SESTD1: variants seen among roughly 807,000 people sequenced by gnomAD.
SESTD1 encodes the protein SEC14 and spectrin domain containing 1.
Under a neutral mutation model 101.7 loss-of-function variants are expected in SESTD1, and 43 were observed. That is an observed-to-expected ratio of 0.42 (90% CI 0.33 to 0.55). SESTD1 has a LOEUF of 0.55. Among genes scored for constraint, SESTD1 ranks in the 20% least tolerant of loss-of-function variants. The pLI, the probability that SESTD1 is intolerant of heterozygous loss-of-function variation, is 0.07. For synonymous variants in SESTD1, 283 were observed against 286.8 expected (o/e 0.99, Z 0.13); for missense variants, 647 against 815.1 (o/e 0.79, Z 2.51).
Position 179,109,611 on chromosome 2 carries a change from AGTT to A in SESTD1, c.*285_*287del, listed in dbSNP as rs1206612170. On this transcript the variant is annotated 3_prime_UTR_variant, in exon 18 of 18. Transcript: ENST00000428443. ...TTAGCACCATTCAAAGCTTATTATC[AGTT>A]GTTTGTCTACAAACTGACAGGTCAG... 2.3e-6 allele frequency: 1 copy of A among 443,064 alleles called. No homozygotes were observed. The highest frequency in any genetic ancestry group is 4.0e-6 in the Non-Finnish European group (1 of 251,760). The allele number at this position is 443,064 out of a possible 1,614,324, so 27.4% of individuals were successfully genotyped here. A position where few individuals can be genotyped will look rare whatever the true frequency, so the allele number is the denominator to read the frequency against.
At chr2:179,146,495 T>C (rs2045398696) in intron 7 of SESTD1, 38 bp from the exon 8 acceptor site, 1 of 1,539,552 alleles carries the variant, frequency 6.5e-7, no homozygotes, top group Non-Finnish European at 8.9e-7. Flanking sequence ...AAAAGGCATA[T>C]TTCTATCAAT....
intron 5 of SESTD1, among the ~76,000 whole-genome samples, chr2:179,164,879 A>T (rs548888184): frequency 6.6e-6 from 1 of 152,346 alleles, no homozygotes; most frequent in South Asian, 2.1e-4. Context: ...ATTTAATTTT[A>T]AGGTAAAACA....
At position 179,149,294 on chromosome 2, in the gene SESTD1, T is replaced by A. The variant is rs767456569; in HGVS notation, c.581+3A>T. On this transcript the variant is annotated splice_donor_region_variant and intron_variant, in intron 7 of 17. Coordinates refer to ENST00000428443, the MANE Select transcript of SESTD1 (RefSeq NM_178123.5). The stretch of plus-strand genomic sequence containing the variant: ...ATATAATTGCATGCCACTAGCCACC[T>A]ACCTTTCTTTCTCTTGCTGATTTCC... The A allele has an allele frequency of 6.2e-7, 1 of 1,605,830 alleles. No individual in the cohort carries two copies. The highest frequency in any genetic ancestry group is 1.7e-5 in the Admixed American group (1 of 58,786).
chr2:179,243,179 A>G (rs573803235), intron 1 of SESTD1, among the ~76,000 whole-genome samples: 17 of 152,226 alleles, frequency 1.1e-4, no homozygotes, highest in Non-Finnish European at 2.4e-4. Flanking sequence ...CTTGAAAAAA[A>G]TGCTCAATAT....
chr2:179,125,355 G>C (rs2044848018), intron 10 of SESTD1, among the ~76,000 whole-genome samples: 1 of 152,084 alleles, frequency 6.6e-6, no homozygotes, highest in Non-Finnish European at 1.5e-5. Context: ...CTTGATCAAA[G>C]GCTATAACCA....
chr2:179,216,469 T>A lies in SESTD1; in HGVS notation c.-25-24603A>T, dbSNP rs1414299772. ...AGGAGAACTACCAACCACTGCTCAA[T>A]GAAATAAAAGAGGACACAAACAAAT... On this transcript the variant is annotated intron_variant, in intron 1 of 17. Transcript: ENST00000428443. Among the ~76,000 whole-genome samples, 2 of 134,240 alleles carry A rather than the reference T, an allele frequency of 1.5e-5. 1 individual carries two copies. The highest frequency in any genetic ancestry group is 3.2e-5 in the Non-Finnish European group (2 of 62,640). The allele number at this position is 134,240 out of a possible 152,430, so 88.1% of individuals were successfully genotyped here. A position where few individuals can be genotyped will look rare whatever the true frequency, so the allele number is the denominator to read the frequency against.
chr2:179,119,558 C>CTGTT (rs772920773), intron 13 of SESTD1, among the ~76,000 whole-genome samples: 4 of 152,196 alleles, frequency 2.6e-5, no homozygotes, highest in Non-Finnish European at 4.4e-5. Flanking sequence ...CACCACGATT[C>CTGTT]TGTTTCCTGA....
intron 9 of SESTD1, among the ~76,000 whole-genome samples, chr2:179,135,254 A>G (rs1001170564): frequency 2.0e-5 from 3 of 152,022 alleles, no homozygotes; most frequent in African/African-American, 7.2e-5. Context: ...CAAACTGACT[A>G]TTGTTTTTAA....
chr2:179,245,141 G>A (rs1309058149), intron 1 of SESTD1, among the ~76,000 whole-genome samples: 1 of 152,064 alleles, frequency 6.6e-6, no homozygotes, highest in Admixed American at 6.5e-5. Flanking sequence ...TATTGCTTCC[G>A]TCCAGGAGTT....
chr2:179,102,738 G>A lies in SESTD1; in HGVS notation c.*7161C>T, dbSNP rs1228085474. 6.6e-6 allele frequency: 1 copy of A among 151,884 alleles called. No individual in the cohort carries two copies. Among genetic ancestry groups the A allele is most frequent in the East Asian group, 1.9e-4 (1 of 5,200 alleles). 9.4% of individuals were successfully genotyped at this position (151,884 alleles called of 1,614,324 possible). ...AATAGAACAGCTGGGAGAGGTAAAAGAGTGGATAAGAGAGTCATCAGAGTG... is the reference window on the plus strand; with the variant it reads ...AATAGAACAGCTGGGAGAGGTAAAAAAGTGGATAAGAGAGTCATCAGAGTG... On this transcript the variant is annotated 3_prime_UTR_variant, in exon 18 of 18. Transcript: ENST00000428443.
Position 179,106,979 on chromosome 2 carries a change from A to G in SESTD1, c.*2920T>C, listed in dbSNP as rs1232386590. 1.3e-5 allele frequency: 2 copies of G among 152,136 alleles called. No individual in the cohort carries two copies. Among genetic ancestry groups the G allele is most frequent in the Admixed American group, 6.6e-5 (1 of 15,264 alleles). 9.4% of individuals were successfully genotyped at this position (152,136 alleles called of 1,614,324 possible). On this transcript the variant is annotated 3_prime_UTR_variant, in exon 18 of 18. Transcript: ENST00000428443. ...CAAACAAACAAAAAAACCCAAAAAA[A>G]CCAAAACAAAATGAAACTAACCCTG... is the stretch of plus-strand genomic sequence containing the variant.
At chr2:179,175,215 G>T (rs1359204388) in intron 4 of SESTD1, among the ~76,000 whole-genome samples, 1 of 152,046 alleles carries the variant, frequency 6.6e-6, no homozygotes, top group African/African-American at 2.4e-5. Flanking sequence ...AATTTATATA[G>T]CAAGCTTAGC....
At chr2:179,132,114 A>C in intron 10 of SESTD1, 190 bp downstream of exon 10, 1 of 555,182 alleles carries the variant, frequency 1.8e-6, no homozygotes, top group East Asian at 3.3e-5. Context: ...TAGAGACAAA[A>C]CCAAAAACAA....
chr2:179,219,183 AG>A (rs1311243913), intron 1 of SESTD1, among the ~76,000 whole-genome samples: 1 of 152,202 alleles, frequency 6.6e-6, no homozygotes, highest in Non-Finnish European at 1.5e-5. Flanking sequence ...CTGCCATTAG[AG>A]GGCAGCAGAG....
chr2:179,236,368 ATGTCTACAGCC>A (rs1559155984), intron 1 of SESTD1, among the ~76,000 whole-genome samples: 2 of 149,420 alleles, frequency 1.3e-5, no homozygotes, highest in Non-Finnish European at 3.0e-5. Flanking sequence ...ATGGTAGCAC[ATGTCTACAGCC>A]CTAGCTACTT....
intron 10 of SESTD1, among the ~76,000 whole-genome samples, chr2:179,129,809 C>T (rs920242654): frequency 6.6e-6 from 1 of 152,164 alleles, no homozygotes; most frequent in Non-Finnish European, 1.5e-5. Flanking sequence ...ATCAACCAAC[C>T]TATTCTCAGG....
At chr2:179,151,460 G>A (rs916024792) in intron 5 of SESTD1, 69 bp from the exon 6 acceptor site, 7 of 952,656 alleles carry the variant, frequency 7.3e-6, no homozygotes, top group South Asian at 2.1e-5. Context: ...GTAACCAGGA[G>A]GTAAAATTAG....
At chr2:179,155,504 G>A (rs1401424279) in intron 5 of SESTD1, among the ~76,000 whole-genome samples, 1 of 151,762 alleles carries the variant, frequency 6.6e-6, no homozygotes, top group Admixed American at 6.6e-5. Flanking sequence ...TAATCCCAAC[G>A]ATTTGGGCAG....
Position 179,112,770 on chromosome 2 carries a change from T to C in SESTD1, c.1915A>G (p.Lys639Glu), listed in dbSNP as rs1312065270. 6.2e-7 allele frequency: 1 copy of C among 1,613,318 alleles called. No homozygotes were observed. The highest frequency in any genetic ancestry group is 1.1e-5 in the South Asian group (1 of 91,068). Residue 639 changes from lysine (K) to glutamate (E), a missense_variant, in exon 17 of 18, where the codon AAA becomes GAA. By Grantham distance (56) the Lys-to-Glu change is moderately conservative. Coordinates refer to ENST00000428443, the MANE Select transcript of SESTD1 (RefSeq NM_178123.5). ...EQFDEIEAVG[K>E]SLLDRLTVPV... ...ACAGTTAATCTATCCAAAAGTGATT[T>C]CCCAACTGCTTCAATTTCATCAAAT...
Sources: allele counts gnomAD v4.1 joint callset (sites outside exome capture counted in the v4.1 genomes callset), GRCh38; gene constraint gnomAD v4.1.1; transcripts MANE v1.5; gene names NCBI Gene and HGNC (gene_info 2026-07-23, HGNC 2026-07-21).